Variants in XRN1 observed in about 807,000 individuals in gnomAD.
XRN1 encodes strand-exchange protein 1 homolog.
In XRN1, 67 loss-of-function variants were observed where a neutral mutation model predicts 222.3. The ratio of observed to expected loss-of-function variants is 0.30; its 90% CI spans 0.25 to 0.37. The LOEUF (loss-of-function observed/expected upper bound fraction) is 0.37. XRN1 is among the 10% of genes least tolerant of loss of function. XRN1 has a pLI of 1.00. For missense variants in XRN1, 1,707 were observed against 2,000.2 expected (o/e 0.85, Z 2.80); for synonymous variants, 643 against 652.4 (o/e 0.99, Z 0.22).
At chr3:142,321,233 C>T (rs143510201) in intron 37 of XRN1, among the ~76,000 whole-genome samples, 17,175 of 150,760 alleles carry the variant, frequency 0.11, 1,259 homozygotes, top group Admixed American at 0.19. Flanking sequence ...AATTCTCCTG[C>T]CTCAGGCTCC....
At chr3:142,364,875 GA>G (rs543385882) in intron 29 of XRN1, among the ~76,000 whole-genome samples, 171 bp downstream of exon 29, 370 of 151,722 alleles carry the variant, frequency 2.4e-3, no homozygotes, top group African/African-American at 7.8e-3. Flanking sequence ...AAACAGAAGA[GA>G]TTTTTTTTTC....
intron 34 of XRN1, among the ~76,000 whole-genome samples, chr3:142,334,763 T>A: frequency 8.1e-6 from 1 of 122,718 alleles, no homozygotes; most frequent in South Asian, 2.4e-4. Context: ...TATATGTCTA[T>A]GTATACACAC....
intron 33 of XRN1, among the ~76,000 whole-genome samples, chr3:142,340,212 G>A (rs138030248): frequency 0.07 from 10,563 of 151,842 alleles, 1,240 homozygotes; most frequent in African/African-American, 0.24. Flanking sequence ...AAAATTAGCC[G>A]GGCTTGGTGG....
intron 13 of XRN1, among the ~76,000 whole-genome samples, chr3:142,416,041 C>T (rs1373537851): frequency 6.6e-6 from 1 of 151,952 alleles, no homozygotes; most frequent in African/African-American, 2.4e-5. Flanking sequence ...GCCAAGACTG[C>T]ACCACTGCAC....
At chr3:142,331,045 T>C (rs1483447425) in intron 36 of XRN1, among the ~76,000 whole-genome samples, 1 of 152,200 alleles carries the variant, frequency 6.6e-6, no homozygotes, top group Non-Finnish European at 1.5e-5. Flanking sequence ...CTCAAACTCC[T>C]GACCTCAGGT....
At chr3:142,422,192 G>T (rs1278645882) in intron 8 of XRN1, among the ~76,000 whole-genome samples, 1 of 151,972 alleles carries the variant, frequency 6.6e-6, no homozygotes, top group African/African-American at 2.4e-5. Flanking sequence ...GAACTTAGCT[G>T]GGCATGGTGA....
Position 142,421,368 on chromosome 3 carries a change from G to C in XRN1, c.1035+108C>G, listed in dbSNP as rs2069025497. 5.2e-6 allele frequency: 5 copies of C among 952,974 alleles called. No homozygotes were observed. The South Asian group carries it at 9.8e-5, about 19-fold the overall frequency. The allele number at this position is 952,974 out of a possible 1,614,324, so 59.0% of individuals were successfully genotyped here. On this transcript the variant is annotated intron_variant, in intron 9 of 40. Coordinates refer to ENST00000392981, the MANE Select transcript of XRN1 (RefSeq NM_001282857.2). ...AGGTAAAAGTGTTTATATTGAATAA[G>C]CAATTGGAATAGAATTATAAAACCC...
chr3:142,338,598 C>T (rs1337017131), intron 33 of XRN1, among the ~76,000 whole-genome samples: 1 of 152,144 alleles, frequency 6.6e-6, no homozygotes, highest in Non-Finnish European at 1.5e-5. Context: ...GAGATTTTGT[C>T]TGCATCTTAG....
intron 8 of XRN1, 101 bp downstream of exon 8, chr3:142,422,481 G>T: frequency 2.4e-6 from 3 of 1,234,846 alleles, no homozygotes; most frequent in Non-Finnish European, 2.3e-6. Flanking sequence ...ATGTTTTTCT[G>T]CTTTAGCGTG....
At chr3:142,369,114 T>C (rs1354452385) in intron 27 of XRN1, among the ~76,000 whole-genome samples, 1 of 152,126 alleles carries the variant, frequency 6.6e-6, no homozygotes, top group Non-Finnish European at 1.5e-5. Context: ...ATTCTGCAAT[T>C]AGTTCGAACA....
intron 27 of XRN1, 29 bp from the exon 28 acceptor site, chr3:142,365,395 T>G: frequency 6.7e-7 from 1 of 1,487,214 alleles, no homozygotes; most frequent in Non-Finnish European, 9.0e-7. Context: ...TGTTAAATAT[T>G]TTTAAAATAT....
chr3:142,433,593 AT>A (rs1212176348), intron 1 of XRN1, among the ~76,000 whole-genome samples: 2 of 152,124 alleles, frequency 1.3e-5, no homozygotes, highest in African/African-American at 4.8e-5. Flanking sequence ...AGGAACAAAA[AT>A]TTTTTTAACT....
chr3:142,370,694 CTT>C (rs774602304), intron 26 of XRN1, 74 bp from the exon 27 acceptor site: 3 of 1,272,312 alleles, frequency 2.4e-6, no homozygotes, highest in Non-Finnish European at 3.2e-6. Flanking sequence ...AGACATAAAA[CTT>C]ATATAACTAA....
At chr3:142,434,729 C>T (rs192598311) in intron 1 of XRN1, among the ~76,000 whole-genome samples, 2 of 151,776 alleles carry the variant, frequency 1.3e-5, no homozygotes, top group Admixed American at 6.6e-5. Flanking sequence ...CAAACTCCAG[C>T]GTGGGAGACA....
chr3:142,317,453 C>T (rs1334115187), intron 39 of XRN1, among the ~76,000 whole-genome samples: 4 of 152,084 alleles, frequency 2.6e-5, no homozygotes, highest in African/African-American at 7.2e-5. Flanking sequence ...TTTCATCTTC[C>T]AATTTCCTAT....
At chr3:142,411,519 C>CT (rs1559860511) in intron 15 of XRN1, among the ~76,000 whole-genome samples, 3 of 151,786 alleles carry the variant, frequency 2.0e-5, no homozygotes, top group East Asian at 3.9e-4. Flanking sequence ...CCATGGATCC[C>CT]TTTTTTTTCT....
At chr3:142,389,904 T>C (rs991906388) in intron 20 of XRN1, among the ~76,000 whole-genome samples, 4 of 152,334 alleles carry the variant, frequency 2.6e-5, no homozygotes, top group Middle Eastern at 3.4e-3. Context: ...TGTGTTTGCA[T>C]GCGTGAATGG....
intron 1 of XRN1, chr3:142,436,076 A>G (rs1235405681): frequency 1.3e-5 from 2 of 151,498 alleles, no homozygotes; most frequent in Non-Finnish European, 2.9e-5. Context: ...AAAAAAAAAA[A>G]AAAAAATTTA....
intron 1 of XRN1, among the ~76,000 whole-genome samples, chr3:142,433,276 C>T (rs977918774): frequency 3.9e-5 from 6 of 152,118 alleles, no homozygotes; most frequent in African/African-American, 1.4e-4. Context: ...TAACAAAAAG[C>T]CCATTTACAT....
Sources: allele counts gnomAD v4.1 joint callset (sites outside exome capture counted in the v4.1 genomes callset), GRCh38; gene constraint gnomAD v4.1.1; transcripts MANE v1.5; gene names NCBI Gene and HGNC (gene_info 2026-07-23, HGNC 2026-07-21).